ATG7: variants seen among roughly 807,000 people sequenced by gnomAD.
ATG7 encodes the protein ubiquitin-like modifier-activating enzyme ATG7.
In ATG7, 70 loss-of-function variants were observed where a neutral mutation model predicts 82.4. The observed-to-expected ratio is 0.85, with a 90% CI of 0.70 to 1.04. ATG7 has a LOEUF of 1.04. Among genes scored for constraint, ATG7 ranks in the 50% least tolerant of loss-of-function variants. The probability of loss-of-function intolerance (pLI) is 0.00; values close to 1 mark genes in which losing one functional copy is unlikely to be tolerated. For synonymous variants in ATG7, 287 were observed against 313.0 expected, an observed-to-expected ratio of 0.92 and a Z score of 0.88; for missense variants, 792 against 864.3, an observed-to-expected ratio of 0.92 and a Z score of 1.05.
At chr3:11,305,841 G>A (rs1399129329) in intron 5 of ATG7, among the ~76,000 whole-genome samples, 1 of 152,108 alleles carries the variant, frequency 6.6e-6, no homozygotes, top group African/African-American at 2.4e-5. Flanking sequence ...TACTCTTTCA[G>A]CCCCATAAAC....
intron 19 of ATG7, among the ~76,000 whole-genome samples, chr3:11,399,756 TAG>T (rs999759206): frequency 3.3e-5 from 5 of 152,254 alleles, no homozygotes; most frequent in African/African-American, 1.2e-4. Flanking sequence ...TTATTTTTAG[TAG>T]AGACAGAGCT....
intron 19 of ATG7, among the ~76,000 whole-genome samples, chr3:11,384,942 T>C (rs1291215689): frequency 6.6e-6 from 1 of 152,234 alleles, no homozygotes. Context: ...GACTCTGTCA[T>C]GCCCATGCCC....
chr3:11,400,840 CAG>C (rs139743451), intron 19 of ATG7, among the ~76,000 whole-genome samples: 31,800 of 152,006 alleles, frequency 0.21, 3,741 homozygotes, highest in South Asian at 0.35. Context: ...AAACGTCACT[CAG>C]GGTAATAATT....
chr3:11,430,526 A>G (rs2082776391), intron 20 of ATG7, among the ~76,000 whole-genome samples: 1 of 152,218 alleles, frequency 6.6e-6, no homozygotes, highest in South Asian at 2.1e-4. Flanking sequence ...ATTTACATCA[A>G]TCAACATTGG....
At position 11,470,875 on chromosome 3, in the gene ATG7, C is replaced by T. The variant is rs148952186; in HGVS notation, c.2079+43949C>T. ...GCACCGGCATTTATTACTTTCTTGC[C>T]GTATTACTCTCGTTCAGTCTTTCTC... is the stretch of plus-strand genomic sequence containing the variant. On this transcript the variant is annotated intron_variant, in intron 20 of 20. Coordinates refer to ENST00000693202, the MANE Select transcript of ATG7 (RefSeq NM_001349232.2). Among the ~76,000 whole-genome samples, 205 of 152,110 alleles carry T rather than the reference C, an allele frequency of 1.3e-3. 1 individual carries two copies. Among genetic ancestry groups the T allele is most frequent in the African/African-American group, 4.3e-3 (178 of 41,372 alleles).
At chr3:11,376,303 A>G (rs924307834) in intron 18 of ATG7, among the ~76,000 whole-genome samples, 13 of 152,360 alleles carry the variant, frequency 8.5e-5, no homozygotes, top group Middle Eastern at 6.8e-3. Flanking sequence ...TGAGCTGTAC[A>G]GTTTAAAAGA....
intron 20 of ATG7, among the ~76,000 whole-genome samples, chr3:11,498,922 GTC>G (rs1304361858): frequency 6.6e-6 from 1 of 152,120 alleles, no homozygotes; most frequent in Non-Finnish European, 1.5e-5. Flanking sequence ...ATGACTTCTG[GTC>G]TCTGAGTTCA....
intron 19 of ATG7, among the ~76,000 whole-genome samples, chr3:11,392,769 A>T (rs1176507728): frequency 6.6e-6 from 1 of 152,194 alleles, no homozygotes. Flanking sequence ...TTGCAAACTG[A>T]GCTGAACTGA....
In ATG7 at chr3:11,557,646, TAAAC is replaced by T. The variant is rs984220833; in HGVS notation, c.*2804_*2807del. 6.5e-5 allele frequency: 10 copies of T among 152,752 alleles called. No individual in the cohort carries two copies. The highest frequency in any genetic ancestry group is 2.4e-4 in the African/African-American group (10 of 41,462). The allele number at this position is 152,752 out of a possible 1,614,324, so 9.5% of individuals were successfully genotyped here. A position where few individuals can be genotyped will look rare whatever the true frequency, so the allele number is the denominator to read the frequency against. ...TATCTAGGACTGTAACTGACAAAAA[TAAAC>T]TAATTCTGAAAAGAAGATAGTAAGT... On this transcript the variant is annotated 3_prime_UTR_variant, in exon 21 of 21. Coordinates refer to ENST00000693202, the MANE Select transcript of ATG7 (RefSeq NM_001349232.2).
At chr3:11,424,560 GTATT>G (rs2082201712) in intron 19 of ATG7, among the ~76,000 whole-genome samples, 1 of 151,020 alleles carries the variant, frequency 6.6e-6, no homozygotes, top group Non-Finnish European at 1.5e-5. Context: ...AAATTATGGT[GTATT>G]TATTATCGGT....
intron 20 of ATG7, among the ~76,000 whole-genome samples, chr3:11,453,919 T>C (rs868110943): frequency 6.6e-6 from 1 of 152,292 alleles, no homozygotes; most frequent in Middle Eastern, 3.4e-3. Context: ...ATACCGTAGT[T>C]GTTACCTTTC....
intron 20 of ATG7, among the ~76,000 whole-genome samples, chr3:11,486,586 T>C (rs1339276808): frequency 1.3e-5 from 2 of 151,062 alleles, no homozygotes; most frequent in Non-Finnish European, 2.9e-5. Flanking sequence ...TGAATAGGAG[T>C]GGTGAGAGAG....
the ATG7 span, among the ~76,000 whole-genome samples, chr3:11,567,071 C>A: frequency 6.6e-6 from 1 of 151,956 alleles, no homozygotes; most frequent in Non-Finnish European, 1.5e-5. Context: ...GCAGGAGAAG[C>A]ACCAGAGGGG....
At chr3:11,434,151 C>T (rs950113468) in intron 20 of ATG7, among the ~76,000 whole-genome samples, 20 of 152,154 alleles carry the variant, frequency 1.3e-4, no homozygotes, top group African/African-American at 4.3e-4. Flanking sequence ...AGATTTTGGC[C>T]TCTCCCCCAC....
the ATG7 span, among the ~76,000 whole-genome samples, chr3:11,574,794 T>C: frequency 6.4e-5 from 7 of 109,604 alleles, no homozygotes; most frequent in African/African-American, 2.5e-4. Flanking sequence ...TATGTGTGTG[T>C]GTGTGTGTGT....
intron 19 of ATG7, among the ~76,000 whole-genome samples, chr3:11,406,190 A>G (rs1028746892): frequency 2.3e-4 from 35 of 152,188 alleles, no homozygotes; most frequent in Non-Finnish European, 3.7e-4. Context: ...GGGTTTCATC[A>G]TATTGCCAAG....
downstream of ATG7, among the ~76,000 whole-genome samples, chr3:11,561,132 C>CA (rs2125109302): frequency 6.6e-6 from 1 of 152,270 alleles, no homozygotes; most frequent in East Asian, 1.9e-4. Flanking sequence ...GAGACCCCCC[C>CA]CCAGGGTCCT....
intron 19 of ATG7, among the ~76,000 whole-genome samples, chr3:11,385,264 G>A (rs1264759472): frequency 6.6e-6 from 1 of 152,130 alleles, no homozygotes; most frequent in East Asian, 1.9e-4. Flanking sequence ...TCTTGACCTT[G>A]TAATCTGCCC....
At chr3:11,426,563 AACTT>A (rs1221235128) in intron 19 of ATG7, among the ~76,000 whole-genome samples, 4 of 152,152 alleles carry the variant, frequency 2.6e-5, no homozygotes, top group African/African-American at 9.7e-5. Context: ...ATTTGCATGA[AACTT>A]ACTTTGAGAA....
Sources: gnomAD v4.1 joint callset for allele counts (sites outside exome capture counted in the v4.1 genomes callset) on GRCh38, gnomAD v4.1.1 for gene constraint, MANE v1.5 for transcripts, NCBI Gene and HGNC (gene_info 2026-07-23, HGNC 2026-07-21) for gene names.